Variants in SLC12A7 observed in about 807,000 individuals in gnomAD.
SLC12A7 encodes the protein solute carrier family 12 member 7, also known as K-Cl cotransporter 4.
A neutral mutation model predicts 120.6 loss-of-function variants in SLC12A7; 100 were observed. That is an observed-to-expected ratio of 0.83 (90% CI 0.71 to 0.98). The LOEUF (loss-of-function observed/expected upper bound fraction) is 0.98, where lower values mean the gene tolerates loss of function less well. SLC12A7 is among the 50% of genes least tolerant of loss of function. The pLI is 0.00. For missense variants in SLC12A7, 1,373 were observed against 1,548.1 expected (o/e 0.89, Z 1.90); for synonymous variants, 760 against 678.0 (o/e 1.12, Z -1.88).
intron 1 of SLC12A7, among the ~76,000 whole-genome samples, chr5:1,111,273 C>T (rs946273214): frequency 6.6e-6 from 1 of 152,196 alleles, no homozygotes; most frequent in South Asian, 2.1e-4. Flanking sequence ...CTAGAAACCT[C>T]CAGATTCCCG....
chr5:1,067,184 G>A (rs1050983778), intron 17 of SLC12A7, among the ~76,000 whole-genome samples: 3 of 152,226 alleles, frequency 2.0e-5, no homozygotes, highest in Non-Finnish European at 4.4e-5. Flanking sequence ...GGGACAGGGT[G>A]CAGGGCCAGC....
the SLC12A7 span, among the ~76,000 whole-genome samples, chr5:1,143,017 G>C: frequency 6.6e-6 from 1 of 151,566 alleles, no homozygotes; most frequent in East Asian, 2.0e-4. Context: ...GGCCAAAGAA[G>C]GCTTGTTCCC....
chr5:1,065,369 C>T lies in SLC12A7; in HGVS notation c.2351G>A (p.Gly784Asp), dbSNP rs1416383642. 1 of 1,612,418 alleles carries T rather than the reference C, an allele frequency of 6.2e-7. No homozygotes were observed. The highest frequency in any genetic ancestry group is 8.5e-7 in the Non-Finnish European group (1 of 1,179,498). The change falls in exon 18 of 24, where the codon GGC becomes GAC. Residue 784 changes from glycine (G) to aspartate (D), a missense_variant. Gly to Asp is a moderately conservative substitution (Grantham distance 94). Transcript: ENST00000264930. ...MSHLIQSAGL[G>D]GLKHNTVLMA... ...GAGCACCGTGTTGTGCTTCAGGCCG[C>T]CCAGGCCGGCCGACTGGATCAGGTG...
rs1740867156 is a variant in SLC12A7 at position 1,094,314 on chromosome 5, TA to T, written c.125-67del. 4.2e-6 allele frequency: 5 copies of T among 1,192,386 alleles called. No individual in the cohort carries two copies. In the Admixed American group the frequency reaches 8.4e-5, roughly 20 times the overall value. 73.9% of individuals were successfully genotyped at this position (1,192,386 alleles called of 1,614,324 possible). The stretch of plus-strand genomic sequence containing the variant: ...CTAAAAGCAAGCACAGAAGGCCAAC[TA>T]CAGATCTTGCACGGAGGGCTCTGGT... On this transcript the variant is annotated intron_variant, in intron 1 of 23. Coordinates refer to ENST00000264930, the MANE Select transcript of SLC12A7 (RefSeq NM_006598.3).
At chr5:1,086,793 G>C (rs753060896) in intron 6 of SLC12A7, 110 bp downstream of exon 6, 1 of 1,434,926 alleles carries the variant, frequency 7.0e-7, no homozygotes, top group African/African-American at 1.4e-5. Context: ...AGGGCAGTGG[G>C]GTCAGGATGG....
intron 12 of SLC12A7, among the ~76,000 whole-genome samples, 180 bp from the exon 13 acceptor site, chr5:1,076,992 G>A (rs541804063): frequency 6.6e-6 from 1 of 152,246 alleles, no homozygotes; most frequent in South Asian, 2.1e-4. Flanking sequence ...ACAAAGGGCT[G>A]CAGCCCAGGA....
At chr5:1,108,520 G>C (rs573756736) in intron 1 of SLC12A7, among the ~76,000 whole-genome samples, 1 of 152,262 alleles carries the variant, frequency 6.6e-6, no homozygotes, top group Non-Finnish European at 1.5e-5. Flanking sequence ...CTCCTGCTCC[G>C]ACTGCCTCCC....
chr5:1,141,741 T>C, the SLC12A7 span, among the ~76,000 whole-genome samples: 2 of 152,190 alleles, frequency 1.3e-5, no homozygotes, highest in African/African-American at 2.4e-5. Context: ...GGCTGCTGCA[T>C]AGGACAGCGT....
upstream of SLC12A7, among the ~76,000 whole-genome samples, chr5:1,115,198 G>A (rs1354320608): frequency 6.6e-6 from 1 of 152,232 alleles, no homozygotes; most frequent in Non-Finnish European, 1.5e-5. Flanking sequence ...GCCGTGTGCA[G>A]GGCACAGCCA....
At chr5:1,079,824 G>C (rs1245853031) in intron 9 of SLC12A7, among the ~76,000 whole-genome samples, 2 of 152,116 alleles carry the variant, frequency 1.3e-5, no homozygotes, top group African/African-American at 4.8e-5. Context: ...CCCAGAGACG[G>C]TGCTGAGCAA....
chr5:1,140,169 C>A, the SLC12A7 span, among the ~76,000 whole-genome samples: 1 of 152,228 alleles, frequency 6.6e-6, no homozygotes, highest in South Asian at 2.1e-4. Context: ...CCATCGCTGG[C>A]TGGCTGTCTC....
rs761285743 is a variant in SLC12A7 at position 1,051,271 on chromosome 5, G to A, written c.*1089C>T. On this transcript the variant is annotated 3_prime_UTR_variant, in exon 24 of 24. Coordinates refer to ENST00000264930, the MANE Select transcript of SLC12A7 (RefSeq NM_006598.3). ...CAGCCAGACAGACCTGACACCAGGC[G>A]CCACTGCTGCCTGAGGACCTCCCAC... The A allele has an allele frequency of 5.4e-5, 12 of 222,588 alleles. No individual in the cohort carries two copies. Among genetic ancestry groups the A allele is most frequent in the African/African-American group, 2.3e-4 (10 of 44,106 alleles). The allele number at this position is 222,588 out of a possible 1,614,324, so 13.8% of individuals were successfully genotyped here.
Position 1,088,062 on chromosome 5 carries a change from G to A in SLC12A7, c.544+244C>T, listed in dbSNP as rs1211880097. 2.6e-5 allele frequency among the ~76,000 whole-genome samples: 4 copies of A among 152,304 alleles called. No individual in the cohort carries two copies. The South Asian group carries it at 6.2e-4, about 24-fold the overall frequency. Reference sequence around the variant, plus strand: ...CTCCCCCTCCCCAGCCCGCTGCCTGGTGGGCACTGCCTACCCTGGCAAGAG... The same window carrying A: ...CTCCCCCTCCCCAGCCCGCTGCCTGATGGGCACTGCCTACCCTGGCAAGAG... On this transcript the variant is annotated intron_variant, in intron 5 of 23. Transcript: ENST00000264930.
At chr5:1,109,530 C>T (rs1031625181) in intron 1 of SLC12A7, among the ~76,000 whole-genome samples, 5 of 152,242 alleles carry the variant, frequency 3.3e-5, no homozygotes, top group South Asian at 2.1e-4. Context: ...GGACGCCTCC[C>T]GCAGAGGCTC....
At chr5:1,146,601 G>T in the SLC12A7 span, among the ~76,000 whole-genome samples, 2 of 152,190 alleles carry the variant, frequency 1.3e-5, no homozygotes, top group African/African-American at 2.4e-5. The surrounding 1 kb of genome is among the most constrained non-coding windows in gnomAD (Gnocchi z 6.5). Context: ...GCCTCATGCC[G>T]CCCTCCTCCC....
At chr5:1,095,075 T>C (rs1168772415) in intron 1 of SLC12A7, among the ~76,000 whole-genome samples, 4 of 128,220 alleles carry the variant, frequency 3.1e-5, no homozygotes, top group Admixed American at 2.3e-4. Context: ...GTGGGGCCCG[T>C]AGGAGGTGGT....
Position 1,112,049 on chromosome 5 carries a change from C to T in SLC12A7, c.-58G>A. 8.2e-7 allele frequency: 1 copy of T among 1,212,288 alleles called. No homozygotes were observed. Among genetic ancestry groups the T allele is most frequent in the Non-Finnish European group, 1.0e-6 (1 of 974,406 alleles). The allele number at this position is 1,212,288 out of a possible 1,614,324, so 75.1% of individuals were successfully genotyped here. A position where few individuals can be genotyped will look rare whatever the true frequency, so the allele number is the denominator to read the frequency against. On this transcript the variant is annotated 5_prime_UTR_variant, in exon 1 of 24. Transcript: ENST00000264930. The stretch of plus-strand genomic sequence containing the variant: ...CCGGCCCGCGCTGCGCCGCTCCCGC[C>T]GACGCCACGGGACTTGGAGGCAGGG...
intron 17 of SLC12A7, among the ~76,000 whole-genome samples, chr5:1,068,141 C>T (rs766470859): frequency 2.0e-5 from 3 of 152,230 alleles, no homozygotes; most frequent in Non-Finnish European, 4.4e-5. Flanking sequence ...CCATGCTTTA[C>T]AGCCTTGCCC....
intron 21 of SLC12A7, 46 bp downstream of exon 21, chr5:1,060,298 A>G (rs376127678): frequency 1.4e-6 from 2 of 1,437,384 alleles, no homozygotes; most frequent in African/African-American, 1.4e-5. Flanking sequence ...GAAGTCGGCT[A>G]TACTTCTCAG....
Sources: allele counts gnomAD v4.1 joint callset (sites outside exome capture counted in the v4.1 genomes callset), GRCh38; gene constraint gnomAD v4.1.1; non-coding constraint Gnocchi (gnomAD v3.1); transcripts MANE v1.5; gene names NCBI Gene and HGNC (gene_info 2026-07-23, HGNC 2026-07-21).